The following ADGRL3 variants were observed in gnomAD, a reference collection of about 807,000 sequenced individuals.
The protein encoded by ADGRL3 is calcium-independent alpha-latrotoxin receptor 3.
In ADGRL3, 62 loss-of-function variants were observed where a neutral mutation model predicts 153.5. The ratio of observed to expected loss-of-function variants is 0.40; its 90% CI spans 0.33 to 0.50. The LOEUF is 0.50. Among genes scored for constraint, ADGRL3 ranks in the 20% least tolerant of loss-of-function variants. ADGRL3 has a pLI of 0.47. For synonymous variants in ADGRL3, 710 were observed against 672.5 expected, an observed-to-expected ratio of 1.06 and a Z score of -0.86; for missense variants, 1,641 against 1,859.4, an observed-to-expected ratio of 0.88 and a Z score of 2.16.
At chr4:61,415,682 T>C (rs1397371491) in intron 2 of ADGRL3, among the ~76,000 whole-genome samples, 1 of 151,874 alleles carries the variant, frequency 6.6e-6, no homozygotes, top group Non-Finnish European at 1.5e-5. Context: ...TAGCTCTCCC[T>C]TTAACCTTCT....
chr4:61,451,909 G>A (rs1410824507), intron 2 of ADGRL3, among the ~76,000 whole-genome samples: 2 of 152,088 alleles, frequency 1.3e-5, no homozygotes, highest in East Asian at 1.9e-4. Flanking sequence ...ACCAGATAAA[G>A]GGCTTTTGCT....
intron 2 of ADGRL3, among the ~76,000 whole-genome samples, chr4:61,430,523 T>C (rs1205382171): frequency 6.6e-6 from 1 of 152,170 alleles, no homozygotes; most frequent in Non-Finnish European, 1.5e-5. Context: ...ATTAACAATA[T>C]TGAATTCAAA....
chr4:61,925,077 A>G (rs1158368277), intron 13 of ADGRL3, among the ~76,000 whole-genome samples: 1 of 152,184 alleles, frequency 6.6e-6, no homozygotes, highest in East Asian at 1.9e-4. Context: ...ATACAATTGT[A>G]CTGATTGCCC....
chr4:61,640,677 C>T (rs775389605), intron 5 of ADGRL3, among the ~76,000 whole-genome samples: 1 of 152,156 alleles, frequency 6.6e-6, no homozygotes, highest in African/African-American at 2.4e-5. Context: ...TTGCATATAA[C>T]ACTTTTTATT....
intron 6 of ADGRL3, among the ~76,000 whole-genome samples, chr4:61,680,098 AC>A (rs2150959756): frequency 6.6e-6 from 1 of 152,164 alleles, no homozygotes; most frequent in Admixed American, 6.6e-5. Flanking sequence ...TAAGTAAAAT[AC>A]TTTTTTAATT....
chr4:61,730,594 T>C, intron 6 of ADGRL3, 28 bp from the exon 7 acceptor site: 1 of 504,412 alleles, frequency 2.0e-6, no homozygotes, highest in South Asian at 3.5e-5. Flanking sequence ...TTTTCTCCTT[T>C]CTCTCTTTAC....
intron 5 of ADGRL3, among the ~76,000 whole-genome samples, chr4:61,627,097 CT>C (rs1439471933): frequency 6.6e-6 from 1 of 152,090 alleles, no homozygotes; most frequent in African/African-American, 2.4e-5. Context: ...TTTATTGCCT[CT>C]GATTAATATT....
At chr4:61,213,824 T>C (rs931506699) in intron 1 of ADGRL3, among the ~76,000 whole-genome samples, 1 of 152,196 alleles carries the variant, frequency 6.6e-6, no homozygotes, top group Non-Finnish European at 1.5e-5. Flanking sequence ...ATCATGAATA[T>C]CCGAGTGCTG....
At chr4:61,420,452 G>A (rs1022816730) in intron 2 of ADGRL3, 9 of 127,550 alleles carry the variant, frequency 7.1e-5, no homozygotes, top group African/African-American at 2.7e-4. Flanking sequence ...CGTAGCCCAG[G>A]CTGAAGTGCA....
chr4:61,578,838 T>A (rs2098908549), intron 4 of ADGRL3, among the ~76,000 whole-genome samples: 1 of 152,132 alleles, frequency 6.6e-6, no homozygotes, highest in African/African-American at 2.4e-5. Context: ...ATCATTCTGC[T>A]TTATAATGTT....
chr4:61,621,987 G>C (rs910319119), intron 5 of ADGRL3, among the ~76,000 whole-genome samples: 2 of 152,118 alleles, frequency 1.3e-5, no homozygotes, highest in Non-Finnish European at 2.9e-5. Context: ...TTAGACTGCA[G>C]TAATTACTCA....
intron 5 of ADGRL3, among the ~76,000 whole-genome samples, chr4:61,639,111 G>A (rs890434492): frequency 6.6e-6 from 1 of 152,132 alleles, no homozygotes; most frequent in African/African-American, 2.4e-5. Context: ...TATTTCCTAT[G>A]TGAGTATAAT....
chr4:61,905,363 A>G (rs1053907547), intron 11 of ADGRL3, among the ~76,000 whole-genome samples: 1 of 152,216 alleles, frequency 6.6e-6, no homozygotes, highest in African/African-American at 2.4e-5. Context: ...TATGTACAGA[A>G]ATTTAAATGT....
At chr4:61,270,508 A>T (rs1255734151) in intron 1 of ADGRL3, among the ~76,000 whole-genome samples, 1 of 151,778 alleles carries the variant, frequency 6.6e-6, no homozygotes. Context: ...CCTGAAGCAT[A>T]TCTGTCTAGT....
At chr4:61,484,833 G>A (rs2152750699) in intron 2 of ADGRL3, among the ~76,000 whole-genome samples, 1 of 152,174 alleles carries the variant, frequency 6.6e-6, no homozygotes, top group South Asian at 2.1e-4. Context: ...TATTTTAAAA[G>A]TTAGCTTTTG....
At chr4:61,406,576 T>C (rs1271765889) in intron 2 of ADGRL3, among the ~76,000 whole-genome samples, 7 of 151,906 alleles carry the variant, frequency 4.6e-5, no homozygotes, top group African/African-American at 1.4e-4. Flanking sequence ...GGATGTTATG[T>C]CATTCCTGGG....
chr4:61,745,788 T>G (rs1415489394), intron 8 of ADGRL3, among the ~76,000 whole-genome samples: 1 of 152,086 alleles, frequency 6.6e-6, no homozygotes, highest in Non-Finnish European at 1.5e-5. Context: ...AGGCTAGGAA[T>G]AAACTGCATC....
chr4:61,766,080 A>G (rs2096974882), intron 8 of ADGRL3, among the ~76,000 whole-genome samples: 1 of 152,056 alleles, frequency 6.6e-6, no homozygotes, highest in South Asian at 2.1e-4. Flanking sequence ...GGAACAGGAA[A>G]GAAAGAAATT....
intron 1 of ADGRL3, among the ~76,000 whole-genome samples, chr4:61,225,665 C>CA (rs1216221889): frequency 1.3e-5 from 2 of 152,172 alleles, no homozygotes; most frequent in Non-Finnish European, 2.9e-5. Flanking sequence ...TATTAACAGG[C>CA]ATCAGTTGAA....
Sources: allele counts gnomAD v4.1 joint callset (sites outside exome capture counted in the v4.1 genomes callset), GRCh38; gene constraint gnomAD v4.1.1; transcripts MANE v1.5; gene names NCBI Gene and HGNC (gene_info 2026-07-23, HGNC 2026-07-21).